SHCBP1L: variants seen among roughly 807,000 people sequenced by gnomAD.
SHCBP1L encodes the protein SHC binding and spindle associated 1 like, also known as testicular spindle-associated protein SHCBP1L.
Under a neutral mutation model 62.5 loss-of-function variants are expected in SHCBP1L, and 67 were observed. The ratio of observed to expected loss-of-function variants is 1.07; its 90% confidence interval spans 0.88 to 1.31. SHCBP1L has a LOEUF of 1.31. Ranked by LOEUF, SHCBP1L falls within the 40% of genes most tolerant of loss-of-function variation. SHCBP1L has a pLI of 0.00. For synonymous variants in SHCBP1L, 284 were observed against 289.4 expected, an observed-to-expected ratio of 0.98 and a Z score of 0.19; for missense variants, 823 against 809.8, an observed-to-expected ratio of 1.02 and a Z score of -0.20.
intron 7 of SHCBP1L, 40 bp from the exon 8 acceptor site, chr1:182,904,470 C>T: frequency 6.2e-7 from 1 of 1,604,984 alleles, no homozygotes; most frequent in Non-Finnish European, 8.5e-7. Flanking sequence ...TCAGTAATCT[C>T]CCATTTTAAG....
At position 182,930,932 on chromosome 1, in the gene SHCBP1L, C is replaced by T. The variant is rs553638869; in HGVS notation, c.1077-1180G>A. On this transcript the variant is annotated intron_variant, in intron 5 of 9. Transcript: ENST00000367547. ...TAAGAGGCAGGGTCTCATTACATTG[C>T]CCAAGCTGGTCTTGAACTCCTGGCC... Among the ~76,000 whole-genome samples, 4 of 145,392 alleles carry T rather than the reference C, an allele frequency of 2.8e-5. No homozygotes were observed. The South Asian group carries it at 6.6e-4, about 24-fold the overall frequency.
rs75224980 is a variant in SHCBP1L, at chr1:182,928,071, A to G, written c.1182+1576T>C. ...TTAGTGGAATAATCAACATGATTGA[A>G]TAATATGCTCCAATAAGTAATTAAA... On this transcript the variant is annotated intron_variant, in intron 6 of 9. Coordinates refer to ENST00000367547, the MANE Select transcript of SHCBP1L (RefSeq NM_030933.4). 7.2e-3 allele frequency among the ~76,000 whole-genome samples: 1,092 copies of G among 152,318 alleles called. 16 individuals are homozygous for G. Among genetic ancestry groups the G allele is most frequent in the Admixed American group, 0.042 (647 of 15,290 alleles).
intron 5 of SHCBP1L, among the ~76,000 whole-genome samples, chr1:182,938,709 A>T (rs998728775): frequency 2.6e-5 from 4 of 152,166 alleles, no homozygotes; most frequent in Non-Finnish European, 1.5e-5. Context: ...CTTGGCCTCA[A>T]GTGATCCTCC....
chr1:182,950,319 A>T (rs1031770267), intron 2 of SHCBP1L, among the ~76,000 whole-genome samples: 1 of 152,166 alleles, frequency 6.6e-6, no homozygotes, highest in African/African-American at 2.4e-5. Flanking sequence ...TTTAGCCTAC[A>T]GGCCTAACAA....
rs1463256863 is a variant in SHCBP1L at position 182,930,703 on chromosome 1, G to GTGTATA, written c.1077-952_1077-951insTATACA. Among the ~76,000 whole-genome samples, 65 of 14,286 alleles carry GTGTATA rather than the reference G, an allele frequency of 4.5e-3. 1 individual carries two copies. The highest frequency in any genetic ancestry group is 0.022 in the Admixed American group (16 of 738). The allele number at this position is 14,286 out of a possible 152,430, so 9.4% of individuals were successfully genotyped here. A position where few individuals can be genotyped will look rare whatever the true frequency, so the allele number is the denominator to read the frequency against. ...TGTGTGTGTGTGTGTGTGTGTGTGTGTATATATATATATATATATATGTAT... is the reference window on the plus strand; with the variant it reads ...TGTGTGTGTGTGTGTGTGTGTGTGTGTGTATATATATATATATATATATATATGTAT... On this transcript the variant is annotated intron_variant, in intron 5 of 9. Transcript: ENST00000367547.
At chr1:182,918,929 A>T (rs1650440456) in intron 6 of SHCBP1L, among the ~76,000 whole-genome samples, 1 of 152,222 alleles carries the variant, frequency 6.6e-6, no homozygotes, top group Admixed American at 6.5e-5. Flanking sequence ...TGGTGTTGGG[A>T]CAAATAAGTA....
intron 6 of SHCBP1L, among the ~76,000 whole-genome samples, chr1:182,927,086 A>ACTC (rs1650783616): frequency 5.6e-5 from 2 of 35,678 alleles, no homozygotes; most frequent in African/African-American, 2.5e-4. Context: ...ATATATATAT[A>ACTC]TATATATATA....
At chr1:182,915,161 CAAAAAAAAAA>C (rs371432299) in intron 6 of SHCBP1L, among the ~76,000 whole-genome samples, 61 of 31,886 alleles carry the variant, frequency 1.9e-3, no homozygotes, top group African/African-American at 4.5e-3. Context: ...GACTCTGTCT[CAAAAAAAAAA>C]AAAAAAAAAA....
At position 182,912,846 on chromosome 1, in the gene SHCBP1L, G is replaced by A. The variant is rs537685094; in HGVS notation, c.1183-7197C>T. 4.0e-5 allele frequency among the ~76,000 whole-genome samples: 6 copies of A among 151,198 alleles called. No individual in the cohort carries two copies. In the South Asian group the frequency reaches 1.3e-3, roughly 32 times the overall value. ...CTGTAATATCCTTTATAATAAACTGGTAAACATAGGCCAGGCACTGTGGCT... is the reference window on the plus strand; with the variant it reads ...CTGTAATATCCTTTATAATAAACTGATAAACATAGGCCAGGCACTGTGGCT... On this transcript the variant is annotated intron_variant, in intron 6 of 9. Transcript: ENST00000367547.
intron 6 of SHCBP1L, among the ~76,000 whole-genome samples, chr1:182,925,975 G>C (rs950327776): frequency 6.6e-6 from 1 of 152,182 alleles, no homozygotes; most frequent in Admixed American, 6.5e-5. Flanking sequence ...GATATTTTAT[G>C]ATTCCATTTA....
chr1:182,903,300 A>T (rs1187243693), intron 8 of SHCBP1L, 139 bp from the exon 9 acceptor site: 2 of 578,862 alleles, frequency 3.5e-6, no homozygotes, highest in African/African-American at 3.8e-5. Context: ...CATGCATGCA[A>T]CTGTTAATTG....
intron 3 of SHCBP1L, 26 bp from the exon 4 acceptor site, chr1:182,939,579 A>T (rs750388404): frequency 1.3e-6 from 2 of 1,540,034 alleles, no homozygotes. Flanking sequence ...TTAAGATGAC[A>T]GTAATCAAAA....
intron 6 of SHCBP1L, among the ~76,000 whole-genome samples, chr1:182,914,482 T>C (rs780176621): frequency 2.6e-5 from 4 of 152,178 alleles, no homozygotes; most frequent in Non-Finnish European, 4.4e-5. Context: ...AAAGATGTAA[T>C]TTGTAACAAT....
At chr1:182,923,143 A>C (rs1299113255) in intron 6 of SHCBP1L, among the ~76,000 whole-genome samples, 1 of 152,210 alleles carries the variant, frequency 6.6e-6, no homozygotes, top group African/African-American at 2.4e-5. Context: ...GAACTGGATG[A>C]ATTCCTGCAA....
intron 5 of SHCBP1L, among the ~76,000 whole-genome samples, chr1:182,933,283 G>A (rs545260487): frequency 6.6e-6 from 1 of 152,332 alleles, no homozygotes; most frequent in African/African-American, 2.4e-5. Context: ...TCTGTGAATA[G>A]AGATAACTTT....
intron 2 of SHCBP1L, among the ~76,000 whole-genome samples, chr1:182,940,870 T>C (rs923092890): frequency 3.3e-5 from 5 of 152,066 alleles, no homozygotes; most frequent in Non-Finnish European, 7.4e-5. Context: ...TGGCAGGGTC[T>C]TACTGTGGTT....
In SHCBP1L at chr1:182,927,004, A is replaced by G. The variant is rs371154813; in HGVS notation, c.1182+2643T>C. Among the ~76,000 whole-genome samples, 16 of 144,246 alleles carry G rather than the reference A, an allele frequency of 1.1e-4. No individual in the cohort carries two copies. In the East Asian group the frequency reaches 2.6e-3, roughly 24 times the overall value. The allele number at this position is 144,246 out of a possible 152,430, so 94.6% of individuals were successfully genotyped here. A position where few individuals can be genotyped will look rare whatever the true frequency, so the allele number is the denominator to read the frequency against. The stretch of plus-strand genomic sequence containing the variant: ...CACCTAACTAGTAAGTGGCAAAACC[A>G]AGAATCCAGGCAATTTGTCTTTAGA... On this transcript the variant is annotated intron_variant, in intron 6 of 9. Coordinates refer to ENST00000367547, the MANE Select transcript of SHCBP1L (RefSeq NM_030933.4).
At chr1:182,936,804 C>T (rs1455409610) in intron 5 of SHCBP1L, among the ~76,000 whole-genome samples, 2 of 151,992 alleles carry the variant, frequency 1.3e-5, no homozygotes, top group African/African-American at 4.8e-5. Flanking sequence ...AATCTCAGCA[C>T]TTTGGAGGTC....
intron 6 of SHCBP1L, among the ~76,000 whole-genome samples, chr1:182,922,662 A>G (rs948816425): frequency 3.3e-5 from 5 of 152,218 alleles, no homozygotes; most frequent in Admixed American, 6.5e-5. Flanking sequence ...AAACACTGAA[A>G]TTAACACAGA....
Sources: allele counts gnomAD v4.1 joint callset (sites outside exome capture counted in the v4.1 genomes callset), GRCh38; gene constraint gnomAD v4.1.1; transcripts MANE v1.5; gene names NCBI Gene and HGNC (gene_info 2026-07-23, HGNC 2026-07-21).